The following RERE variants were observed in gnomAD, a reference collection of about 807,000 sequenced individuals.
RERE encodes the protein arginine-glutamic acid dipeptide repeats, also known as arginine-glutamic acid dipeptide repeats protein.
RERE carries 40 observed loss-of-function variants against 146.1 expected under a neutral mutation model. The ratio of observed to expected loss-of-function variants is 0.27; its 90% CI spans 0.21 to 0.36. The LOEUF is 0.36. Ranked by LOEUF, RERE falls within the 10% of genes least tolerant of loss-of-function variation. RERE has a pLI of 1.00. For missense variants in RERE, 1,933 were observed against 2,138.7 expected, an observed-to-expected ratio of 0.90 and a Z score of 1.90; for synonymous variants, 1,003 against 866.0, an observed-to-expected ratio of 1.16 and a Z score of -2.78.
intron 4 of RERE, among the ~76,000 whole-genome samples, chr1:8,614,244 C>T (rs1646825580): frequency 6.6e-6 from 1 of 152,160 alleles, no homozygotes; most frequent in Non-Finnish European, 1.5e-5. Flanking sequence ...AAACTTACCC[C>T]CTTTTTTCCC....
At chr1:8,503,804 C>T (rs1645213494) in intron 8 of RERE, among the ~76,000 whole-genome samples, 1 of 152,024 alleles carries the variant, frequency 6.6e-6, no homozygotes, top group South Asian at 2.1e-4. Flanking sequence ...CTTATACAGC[C>T]CTGGCAGGAT....
At chr1:8,618,143 T>C (rs1410203725) in intron 3 of RERE, among the ~76,000 whole-genome samples, 2 of 152,218 alleles carry the variant, frequency 1.3e-5, no homozygotes, top group Non-Finnish European at 2.9e-5. Flanking sequence ...GCACACAATA[T>C]ATACATCAGT....
At chr1:8,787,138 T>C (rs1172167942) in intron 1 of RERE, among the ~76,000 whole-genome samples, 2 of 152,226 alleles carry the variant, frequency 1.3e-5, no homozygotes, top group African/African-American at 2.4e-5. Flanking sequence ...TATCACCTCC[T>C]ACTGTTCTCC....
chr1:8,656,329 C>T lies in RERE; in HGVS notation c.-32G>A, dbSNP rs779740636. 7 of 1,591,166 alleles carry T rather than the reference C, an allele frequency of 4.4e-6. No individual in the cohort carries two copies. Among genetic ancestry groups the T allele is most frequent in the Non-Finnish European group, 5.1e-6 (6 of 1,168,840 alleles). On this transcript the variant is annotated 5_prime_UTR_variant, in exon 2 of 23. The change creates a new upstream start codon in the 5' untranslated region. Transcript: ENST00000400908. ...CCACGTGCCTTCTTCTGTCCTCTCA[C>T]GGCTAGGCCTCCGTGAAAGGTAGAC...
At chr1:8,511,583 C>A (rs76191455) in intron 7 of RERE, among the ~76,000 whole-genome samples, 146 of 152,120 alleles carry the variant, frequency 9.6e-4, no homozygotes, top group African/African-American at 3.4e-3. Context: ...AGCAACACAC[C>A]ACCTTAGACA....
chr1:8,615,694 A>C (rs1475007426), intron 3 of RERE, among the ~76,000 whole-genome samples: 1 of 152,212 alleles, frequency 6.6e-6, no homozygotes, highest in African/African-American at 2.4e-5. Context: ...TCCCTTTGAA[A>C]AGCAAAGAGC....
At chr1:8,469,577 C>T (rs1286044999) in intron 10 of RERE, among the ~76,000 whole-genome samples, 3 of 152,050 alleles carry the variant, frequency 2.0e-5, no homozygotes, top group Non-Finnish European at 4.4e-5. Context: ...GAGCTGAGAT[C>T]GTGCCACTGC....
intron 7 of RERE, among the ~76,000 whole-genome samples, chr1:8,513,317 G>A (rs750828747): frequency 6.6e-6 from 1 of 152,108 alleles, no homozygotes; most frequent in Non-Finnish European, 1.5e-5. Flanking sequence ...AGTAAAAAGT[G>A]AGGCATTATT....
chr1:8,366,500 G>A lies in RERE; in HGVS notation c.1285-526C>T, dbSNP rs78822808. 8.1e-3 allele frequency among the ~76,000 whole-genome samples: 1,228 copies of A among 152,260 alleles called. 14 individuals carry two copies. Among genetic ancestry groups the A allele is most frequent in the African/African-American group, 0.028 (1,171 of 41,542 alleles). ...AACCAAAGCAAACTGCCCAGGTGGTGAGGAACCAGGGCCAAACAGAAGGTG... is the reference window on the plus strand; with the variant it reads ...AACCAAAGCAAACTGCCCAGGTGGTAAGGAACCAGGGCCAAACAGAAGGTG... On this transcript the variant is annotated intron_variant, in intron 12 of 22. Transcript: ENST00000400908.
chr1:8,411,774 T>C (rs956545262), intron 12 of RERE, among the ~76,000 whole-genome samples: 7 of 152,240 alleles, frequency 4.6e-5, no homozygotes, highest in African/African-American at 1.7e-4. Context: ...TTAAAAGTTT[T>C]AGGGTTTTTC....
chr1:8,372,189 G>T (rs956575744), intron 12 of RERE, among the ~76,000 whole-genome samples: 1 of 152,172 alleles, frequency 6.6e-6, no homozygotes, highest in Non-Finnish European at 1.5e-5. Flanking sequence ...TAGCAAGCAT[G>T]CCTGTTTCAA....
intron 4 of RERE, among the ~76,000 whole-genome samples, chr1:8,596,796 G>A (rs2124121710): frequency 6.6e-6 from 1 of 151,846 alleles, no homozygotes; most frequent in Middle Eastern, 3.4e-3. Flanking sequence ...ATAGGTGTGA[G>A]CTAACACACC....
intron 11 of RERE, among the ~76,000 whole-genome samples, chr1:8,445,538 A>G (rs888702977): frequency 2.0e-5 from 3 of 152,144 alleles, no homozygotes; most frequent in Non-Finnish European, 1.5e-5. Flanking sequence ...ACACATGTAG[A>G]TGGGCCAGCC....
At chr1:8,664,126 C>G (rs891903971) in intron 1 of RERE, among the ~76,000 whole-genome samples, 4 of 152,188 alleles carry the variant, frequency 2.6e-5, no homozygotes, top group Admixed American at 2.0e-4. Context: ...TTCCGTGAAG[C>G]AACTCCCACT....
At chr1:8,760,059 CTT>C (rs1190159708) in intron 1 of RERE, among the ~76,000 whole-genome samples, 2 of 152,124 alleles carry the variant, frequency 1.3e-5, no homozygotes, top group African/African-American at 4.8e-5. Context: ...GAGTTTCACT[CTT>C]GTTGCCCAGG....
At chr1:8,601,780 C>A (rs944945012) in intron 4 of RERE, among the ~76,000 whole-genome samples, 1 of 146,288 alleles carries the variant, frequency 6.8e-6, no homozygotes, top group South Asian at 2.1e-4. Context: ...CACACACAAA[C>A]ACACACACAG....
At chr1:8,777,533 CTTTT>C (rs752250797) in intron 1 of RERE, among the ~76,000 whole-genome samples, 5 of 137,682 alleles carry the variant, frequency 3.6e-5, no homozygotes, top group Admixed American at 7.4e-5. Context: ...AAGTGTCATA[CTTTT>C]TTTTTTTTTT....
At chr1:8,522,976 A>G (rs549451221) in intron 7 of RERE, among the ~76,000 whole-genome samples, 169 of 152,320 alleles carry the variant, frequency 1.1e-3, no homozygotes, top group South Asian at 3.9e-3. Context: ...CAGAAGTTTA[A>G]GACCAACCTG....
chr1:8,418,606 G>C (rs1256438156), intron 12 of RERE, among the ~76,000 whole-genome samples: 1 of 152,200 alleles, frequency 6.6e-6, no homozygotes, highest in Admixed American at 6.5e-5. Flanking sequence ...CCAGGTGCCA[G>C]ACACAAAAAG....
Sources: gnomAD v4.1 joint callset for allele counts (sites outside exome capture counted in the v4.1 genomes callset) on GRCh38, gnomAD v4.1.1 for gene constraint, MANE v1.5 for transcripts, NCBI Gene and HGNC (gene_info 2026-07-23, HGNC 2026-07-21) for gene names.